Variants in ZNG1B observed in about 807,000 individuals in gnomAD.
The protein encoded by ZNG1B is Zn regulated GTPase metalloprotein activator 1B.
chr2:113,445,354 C>T, the ZNG1B span: 16 of 293,496 alleles, frequency 5.5e-5, no homozygotes, highest in South Asian at 6.0e-4. Context: ...AGAGCAGAGA[C>T]GTTCTACCTC....
At chr2:113,476,940 T>C in the ZNG1B span, among the ~76,000 whole-genome samples, 1 of 152,232 alleles carries the variant, frequency 6.6e-6, no homozygotes, top group Non-Finnish European at 1.5e-5. Flanking sequence ...ACAGGGACAC[T>C]TAAGTCTGCA....
At chr2:113,448,718 C>T in the ZNG1B span, among the ~76,000 whole-genome samples, 14 of 152,198 alleles carry the variant, frequency 9.2e-5, no homozygotes, top group African/African-American at 3.4e-4. Context: ...GCCTGGCCAA[C>T]ATAGTGAAAC....
At chr2:113,470,828 G>C in the ZNG1B span, 3 of 704,510 alleles carry the variant, frequency 4.3e-6, no homozygotes, top group Non-Finnish European at 6.8e-6. Flanking sequence ...AAAGATAATT[G>C]AAAGTTTTAA....
the ZNG1B span, chr2:113,437,705 T>G: frequency 6.6e-7 from 1 of 1,510,410 alleles, no homozygotes; most frequent in Non-Finnish European, 9.0e-7. Context: ...GACGAGGCGC[T>G]TCTCGTCCAG....
At chr2:113,475,984 C>T in the ZNG1B span, among the ~76,000 whole-genome samples, 4 of 152,090 alleles carry the variant, frequency 2.6e-5, no homozygotes, top group Non-Finnish European at 5.9e-5. Flanking sequence ...TTGCTCTTCT[C>T]GAGGAGAATC....
chr2:113,439,916 G>A, the ZNG1B span, among the ~76,000 whole-genome samples: 10 of 108,884 alleles, frequency 9.2e-5, no homozygotes, highest in African/African-American at 2.9e-4. Context: ...ACGGAGTCTC[G>A]CTCTGTCGCC....
the ZNG1B span, among the ~76,000 whole-genome samples, chr2:113,443,468 C>T: frequency 6.6e-6 from 1 of 151,236 alleles, no homozygotes; most frequent in Non-Finnish European, 1.5e-5. Context: ...AAAAAAATGC[C>T]TTCAAGATAG....
the ZNG1B span, among the ~76,000 whole-genome samples, chr2:113,485,972 A>G: frequency 2.2e-4 from 33 of 148,238 alleles, 1 homozygote; most frequent in South Asian, 7.1e-3. Context: ...CTGTGTCAGC[A>G]TACATGGAAG....
At chr2:113,441,377 T>A in the ZNG1B span, 1 of 1,599,858 alleles carries the variant, frequency 6.3e-7, no homozygotes, top group Non-Finnish European at 8.5e-7. Context: ...ACTTCTGAAC[T>A]ATATTTTGAC....
chr2:113,475,275 G>C, the ZNG1B span, among the ~76,000 whole-genome samples: 1 of 151,224 alleles, frequency 6.6e-6, no homozygotes, highest in Non-Finnish European at 1.5e-5. Flanking sequence ...ATCTTTGTTG[G>C]TTGAAAGTCT....
the ZNG1B span, among the ~76,000 whole-genome samples, chr2:113,442,898 G>A: frequency 6.6e-6 from 1 of 151,482 alleles, no homozygotes; most frequent in African/African-American, 2.4e-5. Context: ...TAGATAACAA[G>A]CATTTCAAAT....
chr2:113,438,733 AT>A, the ZNG1B span, among the ~76,000 whole-genome samples: 1 of 152,070 alleles, frequency 6.6e-6, no homozygotes, highest in African/African-American at 2.4e-5. Flanking sequence ...TGAGAAATAT[AT>A]TTTTAAACCT....
the ZNG1B span, chr2:113,441,549 T>C: frequency 2.9e-6 from 4 of 1,389,424 alleles, no homozygotes. Context: ...TGTATTGATG[T>C]GGATAGCTTT....
chr2:113,486,790 A>G, the ZNG1B span, among the ~76,000 whole-genome samples: 2 of 152,234 alleles, frequency 1.3e-5, no homozygotes, highest in African/African-American at 4.8e-5. Flanking sequence ...TTTAACAATA[A>G]AGCAATTTGG....
the ZNG1B span, chr2:113,469,478 T>C: frequency 6.9e-6 from 1 of 145,734 alleles, no homozygotes; most frequent in African/African-American, 2.5e-5. Context: ...GGGTGGGGGG[T>C]GAAAAAGGAA....
chr2:113,444,433 T>A, the ZNG1B span: 5 of 152,902 alleles, frequency 3.3e-5, no homozygotes, highest in Non-Finnish European at 5.8e-5. Context: ...GTATTTGACT[T>A]TGTGTCAAAT....
At chr2:113,488,210 C>A in the ZNG1B span, among the ~76,000 whole-genome samples, 1 of 152,204 alleles carries the variant, frequency 6.6e-6, no homozygotes, top group African/African-American at 2.4e-5. Flanking sequence ...GACTACCCCC[C>A]AGTACCAGCC....
the ZNG1B span, among the ~76,000 whole-genome samples, chr2:113,458,206 A>G: frequency 6.6e-6 from 1 of 152,224 alleles, no homozygotes; most frequent in South Asian, 2.1e-4. Flanking sequence ...TAATGACCAA[A>G]TGGTATATAA....
At chr2:113,438,899 A>G in the ZNG1B span, 30 of 1,365,472 alleles carry the variant, frequency 2.2e-5, no homozygotes, top group Non-Finnish European at 2.8e-5. Flanking sequence ...GTGACCTTTT[A>G]TGTAAAAATA....
Sources: gnomAD v4.1 joint callset for allele counts (sites outside exome capture counted in the v4.1 genomes callset) on GRCh38, gnomAD v4.1.1 for gene constraint, MANE v1.5 for transcripts, NCBI Gene and HGNC (gene_info 2026-07-23, HGNC 2026-07-21) for gene names.